The following STAU2 variants were observed in gnomAD, a reference collection of about 807,000 sequenced individuals.
The protein encoded by STAU2 is staufen double-stranded RNA binding protein 2.
Under a neutral mutation model 65.9 loss-of-function variants are expected in STAU2, and 20 were observed. The observed-to-expected ratio is 0.30, with a 90% CI of 0.21 to 0.44. The LOEUF is 0.44. Among genes scored for constraint, STAU2 ranks in the 20% least tolerant of loss-of-function variants. The pLI is 1.00. For synonymous variants in STAU2, 232 were observed against 233.9 expected (o/e 0.99, Z 0.07); for missense variants, 558 against 683.9 (o/e 0.82, Z 2.05).
chr8:73,654,293 A>G (rs192430101), intron 6 of STAU2, among the ~76,000 whole-genome samples: 1 of 152,268 alleles, frequency 6.6e-6, no homozygotes, highest in African/African-American at 2.4e-5. Context: ...AAGAAAAATA[A>G]GATTTCAATT....
chr8:73,448,904 T>C (rs112889286), intron 13 of STAU2, among the ~76,000 whole-genome samples: 5,198 of 152,326 alleles, frequency 0.034, 116 homozygotes, highest in South Asian at 0.091. Context: ...CGCGGGAATA[T>C]TCCCACCGCC....
intron 13 of STAU2, among the ~76,000 whole-genome samples, chr8:73,546,534 C>T (rs1273461221): frequency 6.6e-6 from 1 of 152,158 alleles, no homozygotes; most frequent in African/African-American, 2.4e-5. Context: ...ATATGTGAGT[C>T]CATCAATAAC....
At chr8:73,433,065 C>G (rs1169149734) in intron 13 of STAU2, among the ~76,000 whole-genome samples, 1 of 152,226 alleles carries the variant, frequency 6.6e-6, no homozygotes, top group Admixed American at 6.5e-5. Flanking sequence ...CAGAGTGGAA[C>G]TGACAGCAGG....
intron 6 of STAU2, among the ~76,000 whole-genome samples, chr8:73,628,549 T>G (rs1172544663): frequency 6.6e-6 from 1 of 152,220 alleles, no homozygotes; most frequent in Non-Finnish European, 1.5e-5. Flanking sequence ...TCTCTGAGAA[T>G]GCACTTTGAA....
intron 3 of STAU2, among the ~76,000 whole-genome samples, chr8:73,716,226 C>A (rs1821241278): frequency 1.3e-5 from 2 of 151,544 alleles, no homozygotes; most frequent in South Asian, 4.2e-4. Flanking sequence ...GTAGCTGGGA[C>A]TACAGGCGCC....
At chr8:73,473,198 C>T (rs552909770) in intron 13 of STAU2, among the ~76,000 whole-genome samples, 3 of 152,178 alleles carry the variant, frequency 2.0e-5, no homozygotes, top group South Asian at 2.1e-4. Flanking sequence ...CAGGCTGACC[C>T]GGCTTCAGAT....
intron 13 of STAU2, among the ~76,000 whole-genome samples, chr8:73,450,364 G>A (rs766322017): frequency 1.3e-5 from 2 of 152,100 alleles, no homozygotes; most frequent in African/African-American, 2.4e-5. Context: ...TCTGTGAAGA[G>A]GTGCATAAGT....
Position 73,446,425 on chromosome 8 carries a change from G to C in STAU2, c.1531-23723C>G, listed in dbSNP as rs190793713. Among the ~76,000 whole-genome samples, 177 of 152,274 alleles carry C rather than the reference G, an allele frequency of 1.2e-3. 1 individual carries two copies. The highest frequency in any genetic ancestry group is 2.5e-3 in the Admixed American group (39 of 15,298). ...ATGGAACAGAGCTGCAACATAAGGT[G>C]TGTTCTACTAATATGGATCTCCAGG... On this transcript the variant is annotated intron_variant, in intron 13 of 14. Transcript: ENST00000524300.
chr8:73,577,351 C>T (rs916445920), intron 12 of STAU2, among the ~76,000 whole-genome samples: 28 of 151,060 alleles, frequency 1.9e-4, no homozygotes, highest in Non-Finnish European at 3.8e-4. Flanking sequence ...GGCATGAACC[C>T]GGGAGGCGAA....
intron 12 of STAU2, chr8:73,561,462 A>G: frequency 2.2e-6 from 1 of 449,128 alleles, no homozygotes; most frequent in Non-Finnish European, 4.5e-6. Context: ...AAGTGGGGTT[A>G]AAATGTTGCT....
intron 13 of STAU2, chr8:73,439,322 G>C (rs568264148): frequency 1.6e-5 from 5 of 308,268 alleles, no homozygotes; most frequent in South Asian, 1.1e-4. Flanking sequence ...AGCTGGTTAA[G>C]AGGCTAAGAT....
At chr8:73,517,051 T>G (rs1014181660) in intron 13 of STAU2, among the ~76,000 whole-genome samples, 1 of 152,124 alleles carries the variant, frequency 6.6e-6, no homozygotes, top group African/African-American at 2.4e-5. Context: ...TACAGAATAG[T>G]AGGAATAGTA....
chr8:73,665,106 A>G (rs1817134876), intron 6 of STAU2, among the ~76,000 whole-genome samples: 1 of 152,110 alleles, frequency 6.6e-6, no homozygotes, highest in South Asian at 2.1e-4. Flanking sequence ...GGTTTATGAG[A>G]GTTTTAAAAA....
chr8:73,608,593 A>C (rs184134808), intron 9 of STAU2, among the ~76,000 whole-genome samples: 1 of 148,084 alleles, frequency 6.8e-6, no homozygotes, highest in Non-Finnish European at 1.5e-5. Context: ...CTTGGGTGAC[A>C]GAGCAAGACT....
At chr8:73,562,169 C>T (rs1325051307) in intron 12 of STAU2, among the ~76,000 whole-genome samples, 1 of 152,178 alleles carries the variant, frequency 6.6e-6, no homozygotes, top group East Asian at 1.9e-4. Flanking sequence ...CTCAATGAAC[C>T]TCAGTCTCCC....
intron 9 of STAU2, among the ~76,000 whole-genome samples, chr8:73,613,187 T>C (rs760366687): frequency 6.6e-6 from 1 of 152,236 alleles, no homozygotes; most frequent in Admixed American, 6.5e-5. Context: ...GTCTGGCACA[T>C]AGACTGCTTT....
chr8:73,618,385 C>G (rs1438504433), intron 6 of STAU2, among the ~76,000 whole-genome samples: 2 of 152,146 alleles, frequency 1.3e-5, no homozygotes, highest in Non-Finnish European at 2.9e-5. Flanking sequence ...ACAAGCCATG[C>G]AGATCTCTGG....
intron 13 of STAU2, among the ~76,000 whole-genome samples, chr8:73,534,631 T>A (rs1806065639): frequency 6.6e-6 from 1 of 152,148 alleles, no homozygotes; most frequent in African/African-American, 2.4e-5. Flanking sequence ...TTATAACACA[T>A]CCACTCATAA....
At chr8:73,556,047 T>C (rs896357999) in intron 12 of STAU2, among the ~76,000 whole-genome samples, 1 of 152,224 alleles carries the variant, frequency 6.6e-6, no homozygotes, top group South Asian at 2.1e-4. Flanking sequence ...ATGTTTTTAA[T>C]CCTGTTTTAT....
Sources: gnomAD v4.1 joint callset for allele counts (sites outside exome capture counted in the v4.1 genomes callset) on GRCh38, gnomAD v4.1.1 for gene constraint, MANE v1.5 for transcripts, NCBI Gene and HGNC (gene_info 2026-07-23, HGNC 2026-07-21) for gene names.